Variants in SIRT1 observed in about 807,000 individuals in gnomAD.
The protein encoded by SIRT1 is sirtuin 1.
A neutral mutation model predicts 67.9 loss-of-function variants in SIRT1; 24 were observed. The observed-to-expected ratio is 0.35, with a 90% CI of 0.26 to 0.50. SIRT1 has a LOEUF of 0.50. Ranked by LOEUF, SIRT1 falls within the 20% of genes least tolerant of loss-of-function variation. The pLI, the probability that SIRT1 is intolerant of heterozygous loss-of-function variation, is 0.98. For missense variants in SIRT1, 873 were observed against 937.2 expected (o/e 0.93, Z 0.89); for synonymous variants, 378 against 350.7 (o/e 1.08, Z -0.87).
In SIRT1 at chr10:67,885,097, G is replaced by A; in HGVS notation, c.376G>A (p.Asp126Asn). ...CGACAACTTGTACGACGAAGACGAC[G>A]ACGACGAGGGCGAGGAGGAGGAAGA... is the stretch of plus-strand genomic sequence containing the variant. ...LADNLYDEDDDDEGEEEEEAA... is the reference protein window; with the variant it reads ...LADNLYDEDDNDEGEEEEEAA... Residue 126 changes from aspartate (D) to asparagine (N), a missense_variant, in exon 1 of 9, where the codon GAC becomes AAC. Asp to Asn is a conservative substitution (Grantham distance 23, BLOSUM62 1). Transcript: ENST00000212015. 2 of 1,449,040 alleles carry A rather than the reference G, an allele frequency of 1.4e-6. No homozygotes were observed. Among genetic ancestry groups the A allele is most frequent in the South Asian group, 1.4e-5 (1 of 73,452 alleles). 89.8% of individuals were successfully genotyped at this position (1,449,040 alleles called of 1,614,324 possible). A position where few individuals can be genotyped will look rare whatever the true frequency, so the allele number is the denominator to read the frequency against.
intron 7 of SIRT1, 124 bp from the exon 8 acceptor site, chr10:67,912,350 T>C: frequency 1.3e-6 from 1 of 775,900 alleles, no homozygotes; most frequent in Non-Finnish European, 2.1e-6. Context: ...ATTTAGTGCA[T>C]GGGTCTTTTT....
intron 4 of SIRT1, among the ~76,000 whole-genome samples, chr10:67,903,475 C>T (rs1842773859): frequency 1.3e-5 from 2 of 151,662 alleles, no homozygotes; most frequent in African/African-American, 2.4e-5. Context: ...AGCTCCACCT[C>T]CTGGGTTCAC....
chr10:67,910,746 CAT>C, intron 7 of SIRT1, among the ~76,000 whole-genome samples: 1 of 152,140 alleles, frequency 6.6e-6, no homozygotes. Flanking sequence ...AAAGTGTTCA[CAT>C]AAAATTTAAA....
At chr10:67,886,759 A>T (rs746834588) in intron 1 of SIRT1, among the ~76,000 whole-genome samples, 1 of 152,014 alleles carries the variant, frequency 6.6e-6, no homozygotes, top group African/African-American at 2.4e-5. Flanking sequence ...CCAAGGTTAT[A>T]TTTGAATGAC....
intron 4 of SIRT1, among the ~76,000 whole-genome samples, chr10:67,905,583 A>T (rs1487416339): frequency 2.0e-5 from 3 of 152,154 alleles, no homozygotes; most frequent in Non-Finnish European, 2.9e-5. Context: ...AATTTGAAAG[A>T]TTAAATAGGT....
At position 67,884,991 on chromosome 10, in the gene SIRT1, A is replaced by T; in HGVS notation, c.270A>T (p.Gln90His). The part of the protein sequence containing the change: ...EAEAAAAGGE[Q>H]EAQATAAAGE... ...AGGCGGCGGCGGCAGGCGGGGAGCA[A>T]GAGGCCCAGGCGACTGCGGCGGCTG... Residue 90 changes from glutamine to histidine, a missense_variant, in exon 1 of 9, where the codon CAA becomes CAT. Gln to His is a conservative substitution (Grantham distance 24, BLOSUM62 0). This residue lies in a region of SIRT1 where 327 missense variants were observed against 283.9 expected (regional missense o/e 1.15). Transcript: ENST00000212015. 7.8e-7 allele frequency: 1 copy of T among 1,275,674 alleles called. No individual in the cohort carries two copies. Among genetic ancestry groups the T allele is most frequent in the Non-Finnish European group, 9.9e-7 (1 of 1,006,862 alleles). 79.0% of individuals were successfully genotyped at this position (1,275,674 alleles called of 1,614,324 possible).
Position 67,917,747 on chromosome 10 carries a change from G to A in SIRT1, c.*1154G>A, listed in dbSNP as rs201340848. 2 of 152,614 alleles carry A rather than the reference G, an allele frequency of 1.3e-5. No homozygotes were observed. Among genetic ancestry groups the A allele is most frequent in the Non-Finnish European group, 2.9e-5 (2 of 68,030 alleles). 9.5% of individuals were successfully genotyped at this position (152,614 alleles called of 1,614,324 possible). A position where few individuals can be genotyped will look rare whatever the true frequency, so the allele number is the denominator to read the frequency against. On this transcript the variant is annotated 3_prime_UTR_variant, in exon 9 of 9. Coordinates refer to ENST00000212015, the MANE Select transcript of SIRT1 (RefSeq NM_012238.5). ...CATGATGATGTAACTTGTAATAGCA[G>A]AATAGTTAATGAATGAAACTAGTTC... is the stretch of plus-strand genomic sequence containing the variant.
At chr10:67,894,219 C>G (rs1191329504) in intron 4 of SIRT1, among the ~76,000 whole-genome samples, 2 of 152,108 alleles carry the variant, frequency 1.3e-5, no homozygotes, top group Non-Finnish European at 2.9e-5. Flanking sequence ...GATTACTAAA[C>G]TGAATTTGAA....
At chr10:67,906,046 T>A (rs896216124) in intron 4 of SIRT1, 6 of 857,536 alleles carry the variant, frequency 7.0e-6, no homozygotes, top group Admixed American at 8.2e-5. Flanking sequence ...TCCTTTGCCA[T>A]AGTCACTTAC....
intron 6 of SIRT1, 109 bp downstream of exon 6, chr10:67,908,234 C>A: frequency 2.3e-6 from 2 of 857,292 alleles, no homozygotes; most frequent in Non-Finnish European, 3.5e-6. Flanking sequence ...CAGAAAGATT[C>A]AGGAAGAAAA....
chr10:67,911,188 T>C (rs1023087709), intron 7 of SIRT1, among the ~76,000 whole-genome samples: 8 of 152,228 alleles, frequency 5.3e-5, no homozygotes, highest in Non-Finnish European at 1.0e-4. Flanking sequence ...GCACTCTGCT[T>C]AAAAGCTTTT....
At chr10:67,887,668 C>A (rs1231163030) in intron 2 of SIRT1, 135 bp downstream of exon 2, 2 of 547,334 alleles carry the variant, frequency 3.7e-6, no homozygotes, top group East Asian at 6.9e-5. Context: ...CCTCCGCCTT[C>A]CAGGTTCAAG....
rs199502438 is a variant in SIRT1 at position 67,917,538 on chromosome 10, T to C, written c.*945T>C. On this transcript the variant is annotated 3_prime_UTR_variant, in exon 9 of 9. Coordinates refer to ENST00000212015, the MANE Select transcript of SIRT1 (RefSeq NM_012238.5). ...TCTGAATCTATAATAATGGTACTTC[T>C]ACTGGGGAGAGTGTAATATTTTGGA... 34 of 152,774 alleles carry C rather than the reference T, an allele frequency of 2.2e-4. No homozygotes were observed. The highest frequency in any genetic ancestry group is 7.7e-4 in the African/African-American group (32 of 41,582). The allele number at this position is 152,774 out of a possible 1,614,324, so 9.5% of individuals were successfully genotyped here. A position where few individuals can be genotyped will look rare whatever the true frequency, so the allele number is the denominator to read the frequency against.
At chr10:67,901,352 T>G (rs559196651) in intron 4 of SIRT1, among the ~76,000 whole-genome samples, 1 of 152,220 alleles carries the variant, frequency 6.6e-6, no homozygotes, top group African/African-American at 2.4e-5. Context: ...CCCAGTCCAG[T>G]GCTGGATTTT....
intron 4 of SIRT1, among the ~76,000 whole-genome samples, chr10:67,898,286 A>G (rs1025779683): frequency 6.6e-6 from 1 of 151,698 alleles, no homozygotes; most frequent in Non-Finnish European, 1.5e-5. Context: ...AAAGAAAAAA[A>G]AAGAAAAGGG....
chr10:67,904,304 T>C (rs1842788924), intron 4 of SIRT1, among the ~76,000 whole-genome samples: 1 of 151,702 alleles, frequency 6.6e-6, no homozygotes, highest in South Asian at 2.1e-4. Flanking sequence ...ATTTTTGTGA[T>C]TTTTGTGTTT....
intron 4 of SIRT1, among the ~76,000 whole-genome samples, chr10:67,903,265 A>G (rs749026496): frequency 2.0e-5 from 3 of 150,058 alleles, no homozygotes; most frequent in African/African-American, 7.4e-5. Context: ...CAGCTTTCTT[A>G]GTCTTGAGGG....
chr10:67,914,680 A>C (rs1200115287), intron 8 of SIRT1, among the ~76,000 whole-genome samples: 1 of 152,044 alleles, frequency 6.6e-6, no homozygotes, highest in Admixed American at 6.6e-5. Context: ...CAGGAAACAG[A>C]GTTAACCTGG....
chr10:67,913,355 GAGGT>G (rs1842928926), intron 8 of SIRT1, among the ~76,000 whole-genome samples: 1 of 152,178 alleles, frequency 6.6e-6, no homozygotes, highest in South Asian at 2.1e-4. Context: ...ATTTTAATCT[GAGGT>G]AGGAACTATT....
Sources: gnomAD v4.1 joint callset for allele counts (sites outside exome capture counted in the v4.1 genomes callset) on GRCh38, gnomAD v4.1.1 for gene constraint, gnomAD v4.1.1 regional missense constraint, MANE v1.5 for transcripts, NCBI Gene and HGNC (gene_info 2026-07-23, HGNC 2026-07-21) for gene names.